Variants in CHST11 observed in about 807,000 individuals in gnomAD.
CHST11 encodes carbohydrate sulfotransferase 11, also known as C4S-1.
In CHST11, 9 loss-of-function variants were observed where a neutral mutation model predicts 30.4. The ratio of observed to expected loss-of-function variants is 0.30; its 90% CI spans 0.18 to 0.52. The LOEUF (loss-of-function observed/expected upper bound fraction) is 0.52, where lower values mean the gene tolerates loss of function less well. Among genes scored for constraint, CHST11 ranks in the 20% least tolerant of loss-of-function variants. The pLI is 0.97. For missense variants in CHST11, 348 were observed against 460.6 expected (o/e 0.76, Z 2.24); for synonymous variants, 152 against 187.8 (o/e 0.81, Z 1.56).
chr12:104,533,808 C>A (rs1480444783), intron 1 of CHST11, among the ~76,000 whole-genome samples: 3 of 152,204 alleles, frequency 2.0e-5, no homozygotes, highest in Admixed American at 1.3e-4. Context: ...GTGAAATGGC[C>A]TCAGCCAATG....
chr12:104,733,260 A>G (rs1342666623), intron 2 of CHST11, among the ~76,000 whole-genome samples: 1 of 152,278 alleles, frequency 6.6e-6, no homozygotes, highest in Non-Finnish European at 1.5e-5. Flanking sequence ...TCTGGAGTCT[A>G]GCTTTCCAGA....
At chr12:104,649,730 G>T (rs2039473563) in intron 2 of CHST11, among the ~76,000 whole-genome samples, 1 of 152,228 alleles carries the variant, frequency 6.6e-6, no homozygotes, top group South Asian at 2.1e-4. Flanking sequence ...AGTATAGTGT[G>T]TTTGGCAAAT....
chr12:104,720,450 C>T (rs1478342590), intron 2 of CHST11, among the ~76,000 whole-genome samples: 1 of 152,210 alleles, frequency 6.6e-6, no homozygotes, highest in Non-Finnish European at 1.5e-5. Flanking sequence ...CCAGACCCCG[C>T]ACGGTATTTC....
intron 2 of CHST11, among the ~76,000 whole-genome samples, chr12:104,635,830 A>G (rs2039317938): frequency 6.6e-6 from 1 of 152,228 alleles, no homozygotes; most frequent in African/African-American, 2.4e-5. Context: ...TGTGTTCACC[A>G]GACCCCAGTA....
chr12:104,741,848 C>T (rs773256979), intron 2 of CHST11, among the ~76,000 whole-genome samples: 5 of 152,206 alleles, frequency 3.3e-5, no homozygotes, highest in Non-Finnish European at 7.3e-5. Context: ...CGATCAAGAG[C>T]AGGTTCCCAG....
intron 2 of CHST11, among the ~76,000 whole-genome samples, chr12:104,719,305 A>AG (rs1199687669): frequency 6.6e-6 from 1 of 152,212 alleles, no homozygotes; most frequent in East Asian, 1.9e-4. Flanking sequence ...TTTCTAGATA[A>AG]GGGGCTTGCA....
intron 2 of CHST11, among the ~76,000 whole-genome samples, chr12:104,646,095 A>T (rs976366264): frequency 6.6e-6 from 1 of 152,168 alleles, no homozygotes; most frequent in Non-Finnish European, 1.5e-5. Flanking sequence ...GACCCAGGTA[A>T]TGGCTCCCAT....
At chr12:104,613,357 C>T (rs985153609) in intron 2 of CHST11, among the ~76,000 whole-genome samples, 1 of 151,966 alleles carries the variant, frequency 6.6e-6, no homozygotes, top group African/African-American at 2.4e-5. Context: ...AGTTTTCAGC[C>T]CTTGGTTACA....
chr12:104,632,366 C>G (rs1308949538), intron 2 of CHST11, among the ~76,000 whole-genome samples: 2 of 152,082 alleles, frequency 1.3e-5, no homozygotes, highest in African/African-American at 4.8e-5. Flanking sequence ...GTTCCTGCCC[C>G]CAGGTGGTTC....
Position 104,457,521 on chromosome 12 carries a change from T to C in CHST11, c.110T>C (p.Leu37Ser). 2 of 1,610,294 alleles carry C rather than the reference T, an allele frequency of 1.2e-6. No homozygotes were observed. The highest frequency in any genetic ancestry group is 1.7e-6 in the Non-Finnish European group (2 of 1,176,440). The change falls in exon 1 of 3, where the codon TTG (leucine) becomes TCG (serine). Residue 37 changes from leucine to serine, a missense_variant. Coordinates refer to ENST00000303694, the MANE Select transcript of CHST11 (RefSeq NM_018413.6). ...ILVIFYFQSMLHPVMRRNPFG... is the reference protein window; with the variant it reads ...ILVIFYFQSMSHPVMRRNPFG... ...GTCATCTTCTATTTCCAAAGTATGT[T>C]GCACCCAGGTAGGGGGCGCGTTAGC...
chr12:104,708,394 G>A (rs779806164), intron 2 of CHST11, among the ~76,000 whole-genome samples: 1 of 152,200 alleles, frequency 6.6e-6, no homozygotes, highest in Non-Finnish European at 1.5e-5. Context: ...CTGCAGGTGT[G>A]TGGGACCCAC....
intron 2 of CHST11, among the ~76,000 whole-genome samples, chr12:104,669,222 C>T (rs553903835): frequency 6.6e-6 from 1 of 152,310 alleles, no homozygotes; most frequent in African/African-American, 2.4e-5. Context: ...CCCTCCCCTT[C>T]TCCTGCCCCG....
intron 2 of CHST11, among the ~76,000 whole-genome samples, chr12:104,677,167 C>A (rs989946462): frequency 6.6e-6 from 1 of 152,150 alleles, no homozygotes; most frequent in African/African-American, 2.4e-5. Flanking sequence ...AAAATGGGAG[C>A]CATTATTCTC....
chr12:104,661,717 G>A (rs1473044978), intron 2 of CHST11, among the ~76,000 whole-genome samples: 1 of 152,204 alleles, frequency 6.6e-6, no homozygotes, highest in Non-Finnish European at 1.5e-5. Flanking sequence ...CACAGCAGTA[G>A]TGGTGAAGGT....
chr12:104,463,596 C>T (rs1438524557), intron 1 of CHST11, among the ~76,000 whole-genome samples: 2 of 152,020 alleles, frequency 1.3e-5, no homozygotes, highest in Non-Finnish European at 2.9e-5. Flanking sequence ...TCTAGTGGGG[C>T]GGACAGACTT....
At chr12:104,583,661 T>G (rs994047870) in intron 1 of CHST11, among the ~76,000 whole-genome samples, 1 of 152,310 alleles carries the variant, frequency 6.6e-6, no homozygotes, top group Admixed American at 6.5e-5. Context: ...CATCCTATAT[T>G]CCTAAAATAT....
At chr12:104,478,589 G>C (rs114613689) in intron 1 of CHST11, among the ~76,000 whole-genome samples, 14 of 152,276 alleles carry the variant, frequency 9.2e-5, no homozygotes, top group Non-Finnish European at 2.1e-4. Flanking sequence ...AGTAGGATGT[G>C]GTCAGTTAGC....
chr12:104,546,617 G>A (rs572171777), intron 1 of CHST11, among the ~76,000 whole-genome samples: 1 of 152,288 alleles, frequency 6.6e-6, no homozygotes, highest in South Asian at 2.1e-4. Context: ...TGACACAGAA[G>A]GGCATGCAGT....
intron 1 of CHST11, among the ~76,000 whole-genome samples, chr12:104,521,547 A>G (rs991193572): frequency 6.6e-6 from 1 of 152,324 alleles, no homozygotes; most frequent in Admixed American, 6.5e-5. Context: ...TGAGGTGGTC[A>G]TAGAGAGCTA....
Sources: allele counts gnomAD v4.1 joint callset (sites outside exome capture counted in the v4.1 genomes callset), GRCh38; gene constraint gnomAD v4.1.1; transcripts MANE v1.5; gene names NCBI Gene and HGNC (gene_info 2026-07-23, HGNC 2026-07-21).